Variants in NUDT13 observed in about 807,000 individuals in gnomAD.
The protein encoded by NUDT13 is NAD(P)H pyrophosphatase NUDT13, mitochondrial.
Under a neutral mutation model 41.7 loss-of-function variants are expected in NUDT13, and 40 were observed. The ratio of observed to expected loss-of-function variants is 0.96; its 90% CI spans 0.75 to 1.25. The LOEUF is 1.25. NUDT13 is among the 50% of genes most tolerant of loss of function. The probability of loss-of-function intolerance (pLI) is 0.00; values close to 1 mark genes in which losing one functional copy is unlikely to be tolerated. For missense variants in NUDT13, 390 were observed against 416.1 expected (o/e 0.94, Z 0.55); for synonymous variants, 145 against 155.5 (o/e 0.93, Z 0.50).
intron 1 of NUDT13, among the ~76,000 whole-genome samples, chr10:73,112,188 T>TA (rs1402897995): frequency 6.6e-5 from 10 of 151,530 alleles, no homozygotes; most frequent in South Asian, 2.1e-4. Flanking sequence ...CCATCTCTAC[T>TA]AAAAAAAATA....
Position 73,116,095 on chromosome 10 carries a change from C to T in NUDT13, c.83+1647C>T, listed in dbSNP as rs140242469. ...TGATCATAGCTCACTGCAGCCTCAACCTCCCAGGCTGAATCAATTCTCCCA... is the reference window on the plus strand; with the variant it reads ...TGATCATAGCTCACTGCAGCCTCAATCTCCCAGGCTGAATCAATTCTCCCA... On this transcript the variant is annotated intron_variant, in intron 2 of 8. Transcript: ENST00000357321. 1.7e-3 allele frequency among the ~76,000 whole-genome samples: 255 copies of T among 152,056 alleles called. 1 individual carries two copies. The highest frequency in any genetic ancestry group is 4.5e-3 in the Admixed American group (68 of 15,270).
intron 3 of NUDT13, among the ~76,000 whole-genome samples, chr10:73,121,358 A>G (rs1842642543): frequency 6.6e-6 from 1 of 152,256 alleles, no homozygotes; most frequent in Non-Finnish European, 1.5e-5. Flanking sequence ...TACTTGGATA[A>G]GTAGTTTCTA....
Position 73,125,395 on chromosome 10 carries a change from T to C in NUDT13, c.592-3T>C, listed in dbSNP as rs754458397. ...CATCTCAGTTTCCATTCCCCTTTCC[T>C]AGATGGCTCCTGTGGCGATCACGCT... On this transcript the variant is annotated splice_polypyrimidine_tract_variant and splice_region_variant and intron_variant, in intron 6 of 8. Transcript: ENST00000357321. 20 of 1,613,594 alleles carry C rather than the reference T, an allele frequency of 1.2e-5. No individual in the cohort carries two copies. The African/African-American group carries it at 2.7e-4, about 22-fold the overall frequency.
chr10:73,128,974 A>C (rs1022077092), intron 8 of NUDT13, among the ~76,000 whole-genome samples: 1 of 152,126 alleles, frequency 6.6e-6, no homozygotes, highest in Non-Finnish European at 1.5e-5. Flanking sequence ...AATTTTCCCA[A>C]CACTGTTTAT....
At chr10:73,117,512 G>A (rs535979251) in intron 2 of NUDT13, among the ~76,000 whole-genome samples, 3 of 149,202 alleles carry the variant, frequency 2.0e-5, no homozygotes, top group East Asian at 2.0e-4. Context: ...AGCCAAGATC[G>A]TGCCACTGCA....
chr10:73,116,060 T>C (rs917417187), intron 2 of NUDT13, among the ~76,000 whole-genome samples: 1 of 152,038 alleles, frequency 6.6e-6, no homozygotes, highest in Admixed American at 6.6e-5. Flanking sequence ...CAGGCTGGAG[T>C]GCAGTGCTAT....
chr10:73,113,540 T>C (rs1214463663), intron 1 of NUDT13, among the ~76,000 whole-genome samples: 1 of 152,210 alleles, frequency 6.6e-6, no homozygotes, highest in African/African-American at 2.4e-5. Flanking sequence ...GCTGGCTATA[T>C]ATTTGTTTTC....
At chr10:73,112,022 T>C (rs1360207687) in intron 1 of NUDT13, among the ~76,000 whole-genome samples, 2 of 152,168 alleles carry the variant, frequency 1.3e-5, no homozygotes, top group Non-Finnish European at 2.9e-5. Context: ...AGTCACTCTT[T>C]AATAGTTTGG....
In NUDT13 at chr10:73,114,228, A is replaced by G. The variant is rs553831177; in HGVS notation, c.-9-129A>G. 76 of 401,746 alleles carry G rather than the reference A, an allele frequency of 1.9e-4. No individual in the cohort carries two copies. The Admixed American group carries it at 2.4e-3, about 13-fold the overall frequency. The allele number at this position is 401,746 out of a possible 1,614,324, so 24.9% of individuals were successfully genotyped here. A position where few individuals can be genotyped will look rare whatever the true frequency, so the allele number is the denominator to read the frequency against. On this transcript the variant is annotated intron_variant, in intron 1 of 8. Coordinates refer to ENST00000357321, the MANE Select transcript of NUDT13 (RefSeq NM_015901.6). ...TTAGAAACAAGATCACCTGACTCCT[A>G]TTGAGTTTGTCTTTCCTTAATATTA...
At position 73,120,145 on chromosome 10, in the gene NUDT13, C is replaced by A. The variant is rs1217878639; in HGVS notation, c.211C>A (p.His71Asn). 6.2e-7 allele frequency: 1 copy of A among 1,614,198 alleles called. No individual in the cohort carries two copies. The highest frequency in any genetic ancestry group is 1.7e-5 in the Admixed American group (1 of 60,022). ...AGCACATCAATACCTGGCCCCCCGG[C>A]ACAGCCTGTTAGGTAAGTCCAGAGT... ...TSAHQYLAPR[H>N]SLLELERLLG... Residue 71 changes from histidine to asparagine, a missense_variant, in exon 3 of 9, where the codon CAC (histidine) becomes AAC (asparagine). His to Asn is a moderately conservative substitution (Grantham distance 68, BLOSUM62 1). Coordinates refer to ENST00000357321, the MANE Select transcript of NUDT13 (RefSeq NM_015901.6).
At chr10:73,111,147 T>A (rs1245059326) in intron 1 of NUDT13, among the ~76,000 whole-genome samples, 1 of 152,098 alleles carries the variant, frequency 6.6e-6, no homozygotes, top group African/African-American at 2.4e-5. Context: ...CAGCCACTTT[T>A]TTTTGTATTT....
intron 2 of NUDT13, among the ~76,000 whole-genome samples, chr10:73,117,629 G>GA (rs1005023501): frequency 9.3e-5 from 14 of 151,088 alleles, no homozygotes; most frequent in African/African-American, 3.4e-4. Context: ...ATATGTTTAA[G>GA]AAAAAAGGCT....
Position 73,120,042 on chromosome 10 carries a change from T to C in NUDT13, c.108T>C (p.Asp36=), listed in dbSNP as rs146318326. ...KTRYLFELKE[D]DDACKKAQQT... ...GGTATTTATTTGAACTGAAGGAAGA[T>C]GATGATGCATGTAAAAAAGCCCAGC... Residue 36 remains aspartate, a synonymous_variant, in exon 3 of 9, where the codon GAT becomes GAC. Coordinates refer to ENST00000357321, the MANE Select transcript of NUDT13 (RefSeq NM_015901.6). 19 of 1,614,080 alleles carry C rather than the reference T, an allele frequency of 1.2e-5. No homozygotes were observed. The highest frequency in any genetic ancestry group is 1.4e-5 in the Non-Finnish European group (16 of 1,180,038).
At chr10:73,116,312 G>T (rs1428845981) in intron 2 of NUDT13, among the ~76,000 whole-genome samples, 2 of 151,982 alleles carry the variant, frequency 1.3e-5, no homozygotes, top group Non-Finnish European at 2.9e-5. Context: ...CCCAGCCTAA[G>T]AAATGAATTT....
chr10:73,112,856 A>T (rs115927619), intron 1 of NUDT13, among the ~76,000 whole-genome samples: 1,735 of 150,958 alleles, frequency 0.011, 28 homozygotes, highest in African/African-American at 0.035. Context: ...ATATATATAT[A>T]TTTTTTTCAC....
intron 1 of NUDT13, among the ~76,000 whole-genome samples, chr10:73,112,896 C>CT (rs111862060): frequency 0.16 from 23,674 of 150,698 alleles, 3,086 homozygotes; most frequent in African/African-American, 0.33. Flanking sequence ...TGTTCTTTTT[C>CT]TTTTTTTTAA....
chr10:73,124,568 A>G, intron 5 of NUDT13: 1 of 438,576 alleles, frequency 2.3e-6, no homozygotes, highest in South Asian at 4.3e-5. Context: ...TGGCAATAGG[A>G]TCTGTCAGCC....
intron 8 of NUDT13, among the ~76,000 whole-genome samples, chr10:73,127,122 T>C (rs566908533): frequency 6.6e-5 from 10 of 152,266 alleles, no homozygotes; most frequent in African/African-American, 1.9e-4. Context: ...GGCTCATGCC[T>C]GTAATCCCAG....
chr10:73,127,364 G>A (rs1842813952), intron 8 of NUDT13, among the ~76,000 whole-genome samples: 2 of 151,888 alleles, frequency 1.3e-5, no homozygotes, highest in Admixed American at 6.6e-5. Context: ...GGGCAACAGG[G>A]TGAGAATGCA....
Sources: allele counts gnomAD v4.1 joint callset (sites outside exome capture counted in the v4.1 genomes callset), GRCh38; gene constraint gnomAD v4.1.1; transcripts MANE v1.5; gene names NCBI Gene and HGNC (gene_info 2026-07-23, HGNC 2026-07-21).